Variants in PLEKHA2 observed in about 807,000 individuals in gnomAD.
The protein encoded by PLEKHA2 is pleckstrin homology domain-containing family A member 2.
In PLEKHA2, 28 loss-of-function variants were observed where a neutral mutation model predicts 53.2. The ratio of observed to expected loss-of-function variants is 0.53; its 90% CI spans 0.39 to 0.72. The LOEUF (loss-of-function observed/expected upper bound fraction) is 0.72, where lower values mean the gene tolerates loss of function less well. Among genes scored for constraint, PLEKHA2 ranks in the 30% least tolerant of loss-of-function variants. The pLI, the probability that PLEKHA2 is intolerant of heterozygous loss-of-function variation, is 0.00. For synonymous variants in PLEKHA2, 193 were observed against 196.4 expected (o/e 0.98, Z 0.14); for missense variants, 426 against 537.9 (o/e 0.79, Z 2.06).
chr8:38,967,069 G>T (rs956404242), intron 10 of PLEKHA2, among the ~76,000 whole-genome samples: 1 of 151,078 alleles, frequency 6.6e-6, no homozygotes, highest in Non-Finnish European at 1.5e-5. Flanking sequence ...TGTCTGAGTT[G>T]TTTCACTTAA....
At chr8:38,943,366 A>G (rs1056457615) in intron 3 of PLEKHA2, among the ~76,000 whole-genome samples, 5 of 152,002 alleles carry the variant, frequency 3.3e-5, no homozygotes, top group Non-Finnish European at 5.9e-5. Context: ...GGGGCATTTA[A>G]AAAAAATTAG....
At position 38,972,158 on chromosome 8, in the gene PLEKHA2, C is replaced by T. The variant is rs1043448151; in HGVS notation, c.*2375C>T. 6.6e-6 allele frequency: 1 copy of T among 152,004 alleles called. No individual in the cohort carries two copies. The highest frequency in any genetic ancestry group is 1.5e-5 in the Non-Finnish European group (1 of 68,014). 9.4% of individuals were successfully genotyped at this position (152,004 alleles called of 1,614,324 possible). A position where few individuals can be genotyped will look rare whatever the true frequency, so the allele number is the denominator to read the frequency against. ...TCAATTGGCAAACACTTGGGAATTC[C>T]ACATTAGAGCATTGCTTGTTTTTAA... On this transcript the variant is annotated 3_prime_UTR_variant, in exon 12 of 12. Transcript: ENST00000617275.
chr8:38,950,264 G>C (rs1834803198), intron 5 of PLEKHA2, among the ~76,000 whole-genome samples: 2 of 152,042 alleles, frequency 1.3e-5, no homozygotes, highest in East Asian at 1.9e-4. Flanking sequence ...GAACTCCTGG[G>C]CTCAAGTGAC....
intron 2 of PLEKHA2, among the ~76,000 whole-genome samples, chr8:38,927,060 A>G (rs557220142): frequency 6.6e-6 from 1 of 152,378 alleles, no homozygotes; most frequent in Non-Finnish European, 1.5e-5. Flanking sequence ...TTAAATAACT[A>G]TTGCAAAACC....
intron 2 of PLEKHA2, among the ~76,000 whole-genome samples, chr8:38,919,992 G>C (rs1834149225): frequency 6.6e-6 from 1 of 151,608 alleles, no homozygotes; most frequent in African/African-American, 2.4e-5. Context: ...TTTTTTTTGA[G>C]ACAGAGTCTT....
intron 2 of PLEKHA2, 123 bp downstream of exon 2, chr8:38,918,193 G>A (rs1352813011): frequency 3.2e-5 from 41 of 1,298,764 alleles, no homozygotes; most frequent in Non-Finnish European, 4.2e-5. Context: ...TCAGCAGGGA[G>A]GGGACAACCC....
At chr8:38,964,692 CCTT>C (rs1351849569) in intron 10 of PLEKHA2, among the ~76,000 whole-genome samples, 1 of 151,094 alleles carries the variant, frequency 6.6e-6, no homozygotes, top group Non-Finnish European at 1.5e-5. Context: ...ATGGAAAAAT[CCTT>C]CTATTATTAA....
chr8:38,961,981 G>A (rs536289409), intron 10 of PLEKHA2, among the ~76,000 whole-genome samples: 1 of 152,304 alleles, frequency 6.6e-6, no homozygotes, highest in African/African-American at 2.4e-5. Flanking sequence ...ATAAGTTAAA[G>A]TTTATCACTT....
chr8:38,952,745 A>G (rs1424666534), intron 8 of PLEKHA2, 41 bp downstream of exon 8: 1 of 1,581,524 alleles, frequency 6.3e-7, no homozygotes, highest in Admixed American at 1.7e-5. Context: ...GGTCATGGAA[A>G]CTAAGAGGTG....
rs1256350938 is a variant in PLEKHA2, at chr8:38,922,267, C to T, written c.141+4197C>T. Among the ~76,000 whole-genome samples the T allele has an allele frequency of 1.3e-5, 2 of 152,068 alleles. No homozygotes were observed. Among genetic ancestry groups the T allele is most frequent in the Non-Finnish European group, 2.9e-5 (2 of 67,988 alleles). ...TGAGGACTCTCGGGGCTGGGAGGTC[C>T]TAGAAGGTAGGGCACTCGTGTGGCT... On this transcript the variant is annotated intron_variant, in intron 2 of 11. Coordinates refer to ENST00000617275, the MANE Select transcript of PLEKHA2 (RefSeq NM_021623.2). The surrounding 1 kb of genome is among the most constrained non-coding windows in gnomAD (Gnocchi z 4.0).
chr8:38,940,913 A>C (rs1300503925), intron 3 of PLEKHA2, among the ~76,000 whole-genome samples: 3 of 151,704 alleles, frequency 2.0e-5, no homozygotes, highest in African/African-American at 7.3e-5. Flanking sequence ...TATATAAAAT[A>C]TTTGAAAGGA....
In PLEKHA2 at chr8:38,934,284, G is replaced by A. The variant is rs529587613; in HGVS notation, c.142-1710G>A. On this transcript the variant is annotated intron_variant, in intron 2 of 11. Coordinates refer to ENST00000617275, the MANE Select transcript of PLEKHA2 (RefSeq NM_021623.2). ...TGAGATTACAGGTGTGAGCCACCAC[G>A]CCTGGTCCACCAGAGACACTTCTTA... Among the ~76,000 whole-genome samples the A allele has an allele frequency of 8.5e-5, 13 of 152,134 alleles. No homozygotes were observed. In the South Asian group the frequency reaches 1.7e-3, roughly 19 times the overall value.
intron 1 of PLEKHA2, chr8:38,901,766 T>C (rs1175601027): frequency 4.0e-5 from 6 of 150,576 alleles, no homozygotes; most frequent in Non-Finnish European, 8.9e-5. Flanking sequence ...GGGGCGGGAG[T>C]TCTGCTGAGC....
rs185987897 is a variant in PLEKHA2, at chr8:38,957,267, G to A, written c.774-56G>A. On this transcript the variant is annotated intron_variant, in intron 9 of 11. Transcript: ENST00000617275. ...GGGCACTGGGGTCTTAGGACATATC[G>A]AGTCCTCTCTGAGTATGTCAGCACG... The A allele has an allele frequency of 1.6e-5, 22 of 1,413,088 alleles. No individual in the cohort carries two copies. In the East Asian group the frequency reaches 3.0e-4, roughly 19 times the overall value. 87.5% of individuals were successfully genotyped at this position (1,413,088 alleles called of 1,614,324 possible). A position where few individuals can be genotyped will look rare whatever the true frequency, so the allele number is the denominator to read the frequency against.
intron 10 of PLEKHA2, among the ~76,000 whole-genome samples, chr8:38,966,896 G>A (rs1004333770): frequency 2.0e-5 from 3 of 151,980 alleles, no homozygotes; most frequent in African/African-American, 7.3e-5. Flanking sequence ...CATCACCTGA[G>A]TATTGTGCAT....
intron 2 of PLEKHA2, among the ~76,000 whole-genome samples, chr8:38,925,301 A>G (rs1834265473): frequency 6.6e-6 from 1 of 152,186 alleles, no homozygotes; most frequent in South Asian, 2.1e-4. Context: ...GGGCCGCCCT[A>G]CTCTAGTACA....
intron 10 of PLEKHA2, among the ~76,000 whole-genome samples, chr8:38,967,868 C>T (rs1051742148): frequency 6.6e-6 from 1 of 151,996 alleles, no homozygotes. Flanking sequence ...CACCATGTTG[C>T]CCAGGCTGGT....
rs1835235030 is a variant in PLEKHA2, at chr8:38,970,816, T to A, written c.*1033T>A. On this transcript the variant is annotated 3_prime_UTR_variant, in exon 12 of 12. Transcript: ENST00000617275. ...TCCGTCTCAAAATATAAAAGAAAAT[T>A]GAGTGTCCCACCCAAATTTTAGGGC... 6.6e-6 allele frequency: 1 copy of A among 152,082 alleles called. No individual in the cohort carries two copies. Among genetic ancestry groups the A allele is most frequent in the Non-Finnish European group, 1.5e-5 (1 of 68,022 alleles). The allele number at this position is 152,082 out of a possible 1,614,324, so 9.4% of individuals were successfully genotyped here. A position where few individuals can be genotyped will look rare whatever the true frequency, so the allele number is the denominator to read the frequency against.
At chr8:38,926,456 A>C (rs1375500623) in intron 2 of PLEKHA2, among the ~76,000 whole-genome samples, 1 of 150,546 alleles carries the variant, frequency 6.6e-6, no homozygotes, top group African/African-American at 2.4e-5. Flanking sequence ...GTCAGAGCTC[A>C]CTGCTGGATT....
Sources: gnomAD v4.1 joint callset for allele counts (sites outside exome capture counted in the v4.1 genomes callset) on GRCh38, gnomAD v4.1.1 for gene constraint, Gnocchi (gnomAD v3.1) non-coding constraint, MANE v1.5 for transcripts, NCBI Gene and HGNC (gene_info 2026-07-23, HGNC 2026-07-21) for gene names.